The following SKIC3 variants were observed in gnomAD, a reference collection of about 807,000 sequenced individuals.
SKIC3 encodes SKI3 subunit of superkiller complex.
At chr5:95,500,682 C>T in the SKIC3 span, among the ~76,000 whole-genome samples, 1 of 152,068 alleles carries the variant, frequency 6.6e-6, no homozygotes, top group African/African-American at 2.4e-5. Flanking sequence ...AGATTTAACA[C>T]TGAGATGCAA....
chr5:95,475,830 G>C, the SKIC3 span, among the ~76,000 whole-genome samples: 1 of 152,194 alleles, frequency 6.6e-6, no homozygotes, highest in Non-Finnish European at 1.5e-5. Flanking sequence ...CCAGTAGATA[G>C]CTAGTGCATA....
chr5:95,536,859 G>A, the SKIC3 span: 1 of 1,613,630 alleles, frequency 6.2e-7, no homozygotes, highest in Non-Finnish European at 8.5e-7. Flanking sequence ...AATGGATACT[G>A]TACAGTAGGA....
At chr5:95,541,568 G>T in the SKIC3 span, among the ~76,000 whole-genome samples, 1 of 151,556 alleles carries the variant, frequency 6.6e-6, no homozygotes, top group African/African-American at 2.4e-5. Flanking sequence ...AAAAAGAAAA[G>T]GTTTAAGAAA....
the SKIC3 span, chr5:95,503,019 G>C: frequency 6.2e-7 from 1 of 1,613,612 alleles, no homozygotes; most frequent in Non-Finnish European, 8.5e-7. Context: ...ACATAGAAGT[G>C]AAAACAAACA....
chr5:95,504,086 T>TGGGGGTG, the SKIC3 span: 1 of 6,078 alleles, frequency 1.6e-4, no homozygotes, highest in African/African-American at 5.2e-4. Flanking sequence ...AGGCGGGGGG[T>TGGGGGTG]GGGGGTGGGG....
At chr5:95,491,860 C>T in the SKIC3 span, among the ~76,000 whole-genome samples, 5 of 152,080 alleles carry the variant, frequency 3.3e-5, no homozygotes, top group Non-Finnish European at 7.4e-5. Flanking sequence ...CAAATGAATG[C>T]TTTTAATATC....
chr5:95,540,910 C>T, the SKIC3 span: 3 of 1,376,748 alleles, frequency 2.2e-6, 1 homozygote, highest in Non-Finnish European at 3.1e-6. Flanking sequence ...CAAATAAAAA[C>T]ATTTTTAATT....
At chr5:95,525,472 A>G in the SKIC3 span, 1 of 1,614,072 alleles carries the variant, frequency 6.2e-7, no homozygotes, top group South Asian at 1.1e-5. Flanking sequence ...CAGCTAGGTC[A>G]GGGTAAGAAG....
the SKIC3 span, among the ~76,000 whole-genome samples, chr5:95,500,202 T>C: frequency 6.6e-6 from 1 of 152,166 alleles, no homozygotes; most frequent in Non-Finnish European, 1.5e-5. Context: ...AAGTTTGTTG[T>C]ACCAGGAATC....
the SKIC3 span, among the ~76,000 whole-genome samples, chr5:95,467,507 T>C: frequency 6.6e-6 from 1 of 152,150 alleles, no homozygotes; most frequent in Non-Finnish European, 1.5e-5. Flanking sequence ...CATATACAGG[T>C]TAAATCAACA....
At chr5:95,504,294 C>T in the SKIC3 span, among the ~76,000 whole-genome samples, 10 of 151,876 alleles carry the variant, frequency 6.6e-5, no homozygotes, top group Admixed American at 1.3e-4. Flanking sequence ...CGAGATTGCA[C>T]CACTGCACTC....
the SKIC3 span, among the ~76,000 whole-genome samples, chr5:95,534,016 G>A: frequency 2.6e-5 from 4 of 152,110 alleles, no homozygotes; most frequent in Non-Finnish European, 2.9e-5. Flanking sequence ...ATAAATAGCT[G>A]AATAGGAAAT....
chr5:95,549,256 G>T, the SKIC3 span, among the ~76,000 whole-genome samples: 1 of 151,856 alleles, frequency 6.6e-6, no homozygotes, highest in Non-Finnish European at 1.5e-5. Flanking sequence ...ATGAGTTGTG[G>T]CAAGTATAGG....
the SKIC3 span, among the ~76,000 whole-genome samples, chr5:95,473,750 T>C: frequency 2.0e-5 from 3 of 152,200 alleles, no homozygotes; most frequent in African/African-American, 7.2e-5. Context: ...TTTAACTGTT[T>C]GTTAATGGGG....
the SKIC3 span, chr5:95,522,338 A>G: frequency 6.2e-7 from 1 of 1,609,966 alleles, no homozygotes; most frequent in Non-Finnish European, 8.5e-7. Flanking sequence ...AGAGAACTAA[A>G]AGTATGGAAC....
chr5:95,464,254 T>C, the SKIC3 span: 41 of 175,592 alleles, frequency 2.3e-4, no homozygotes, highest in African/African-American at 8.8e-4. Context: ...GCATATTACA[T>C]AGAAAATGGC....
At chr5:95,490,054 A>G in the SKIC3 span, among the ~76,000 whole-genome samples, 1 of 152,228 alleles carries the variant, frequency 6.6e-6, no homozygotes, top group Non-Finnish European at 1.5e-5. Flanking sequence ...AGACAAAAGT[A>G]GGCTAATCTA....
At chr5:95,495,162 C>G in the SKIC3 span, 1 of 713,314 alleles carries the variant, frequency 1.4e-6, no homozygotes, top group East Asian at 2.7e-5. Flanking sequence ...TTAAAAGTAT[C>G]AATTTATTAT....
the SKIC3 span, chr5:95,463,942 T>C: frequency 1.3e-5 from 2 of 152,240 alleles, no homozygotes; most frequent in East Asian, 3.8e-4. Flanking sequence ...TCCATCATAA[T>C]TGAAGGAATT....
Sources: allele counts gnomAD v4.1 joint callset (sites outside exome capture counted in the v4.1 genomes callset), GRCh38; gene constraint gnomAD v4.1.1; transcripts MANE v1.5; gene names NCBI Gene and HGNC (gene_info 2026-07-23, HGNC 2026-07-21).